The following SYDE1 variants were observed in gnomAD, a reference collection of about 807,000 sequenced individuals.
SYDE1 encodes the protein rho GTPase-activating protein SYDE1.
Under a neutral mutation model 63.3 loss-of-function variants are expected in SYDE1, and 34 were observed. That is an observed-to-expected ratio of 0.54 (90% CI 0.41 to 0.71). SYDE1 has a LOEUF of 0.71. Among genes scored for constraint, SYDE1 ranks in the 30% least tolerant of loss-of-function variants. SYDE1 has a pLI of 0.00. For synonymous variants in SYDE1, 467 were observed against 473.4 expected (o/e 0.99, Z 0.18); for missense variants, 925 against 1,042.5 (o/e 0.89, Z 1.55).
intron 7 of SYDE1, 90 bp downstream of exon 7, chr19:15,112,661 G>C (rs1466626111): frequency 1.8e-6 from 2 of 1,133,092 alleles, no homozygotes; most frequent in Non-Finnish European, 2.5e-6. Flanking sequence ...TCTTAGGCTT[G>C]AAGCTACGCC....
Position 15,114,153 on chromosome 19 carries a change from C to T in SYDE1, c.*190C>T, listed in dbSNP as rs1452205933. On this transcript the variant is annotated 3_prime_UTR_variant, in exon 8 of 8. Transcript: ENST00000342784. ...GTTTCCAGGGCCCGGTATTTGGACA[C>T]TAGTTGCCAAGTCTGGGGCCTGGGG... is the stretch of plus-strand genomic sequence containing the variant. The T allele has an allele frequency of 6.7e-6, 4 of 599,476 alleles. No individual in the cohort carries two copies. Among genetic ancestry groups the T allele is most frequent in the Non-Finnish European group, 1.2e-5 (4 of 346,320 alleles). 37.1% of individuals were successfully genotyped at this position (599,476 alleles called of 1,614,324 possible).
Position 15,114,277 on chromosome 19 carries a change from T to C in SYDE1, c.*314T>C, listed in dbSNP as rs956732599. ...TTCTCGCGCTTGCTAGGCTGGCCTC[T>C]CTTGCCTCCCCTTGGCCGGGGCAAC... On this transcript the variant is annotated 3_prime_UTR_variant, in exon 8 of 8. Transcript: ENST00000342784. The C allele has an allele frequency of 1.1e-5, 4 of 357,562 alleles. No homozygotes were observed. The highest frequency in any genetic ancestry group is 2.1e-5 in the African/African-American group (1 of 47,628). The allele number at this position is 357,562 out of a possible 1,614,324, so 22.1% of individuals were successfully genotyped here.
At chr19:15,113,365 T>C (rs1173326178) in intron 7 of SYDE1, among the ~76,000 whole-genome samples, 195 bp from the exon 8 acceptor site, 2 of 152,222 alleles carry the variant, frequency 1.3e-5, no homozygotes, top group Admixed American at 1.3e-4. Context: ...CCATCTTTGA[T>C]GCAGTCAGAG....
intron 1 of SYDE1, 108 bp downstream of exon 1, chr19:15,107,629 C>T (rs2046315683): frequency 3.1e-6 from 2 of 652,026 alleles, no homozygotes; most frequent in Non-Finnish European, 4.8e-6. Context: ...GGGAGCCCCC[C>T]GCACCCCGCT....
chr19:15,110,794 C>T lies in SYDE1; in HGVS notation c.1290+59C>T. The T allele has an allele frequency of 2.1e-6, 3 of 1,400,576 alleles. No homozygotes were observed. The South Asian group carries it at 4.1e-5, about 19-fold the overall frequency. The allele number at this position is 1,400,576 out of a possible 1,614,324, so 86.8% of individuals were successfully genotyped here. A position where few individuals can be genotyped will look rare whatever the true frequency, so the allele number is the denominator to read the frequency against. ...CCAGACCTCAGACCACTCTTCAGGA[C>T]ACCCTATGTACAGATGCCAGACCCC... On this transcript the variant is annotated intron_variant, in intron 4 of 7. Transcript: ENST00000342784. This position sits in a 1 kb window ranked among gnomAD's most constrained non-coding sequence, Gnocchi z 6.9.
chr19:15,113,828 C>A lies in SYDE1; in HGVS notation c.2073C>A (p.Gly691=). ...SDSEDEDEEV[G]EPRVTGDFED... is the part of the protein sequence containing the mutation. Reference sequence around the variant, plus strand: ...GCGAGGACGAGGACGAGGAGGTCGGCGAGCCGAGGGTCACCGGTGACTTCG... The same window carrying A: ...GCGAGGACGAGGACGAGGAGGTCGGAGAGCCGAGGGTCACCGGTGACTTCG... Residue 691 remains glycine, a synonymous_variant, in exon 8 of 8, where the codon GGC becomes GGA. Transcript: ENST00000342784. 1 of 1,613,882 alleles carries A rather than the reference C, an allele frequency of 6.2e-7. No individual in the cohort carries two copies. The highest frequency in any genetic ancestry group is 8.5e-7 in the Non-Finnish European group (1 of 1,180,030).
In SYDE1 at chr19:15,109,554, G is replaced by A. The variant is rs146930053; in HGVS notation, c.431-150G>A. 8.1e-6 allele frequency: 8 copies of A among 982,758 alleles called. No individual in the cohort carries two copies. The highest frequency in any genetic ancestry group is 5.1e-5 in the African/African-American group (3 of 58,996). 60.9% of individuals were successfully genotyped at this position (982,758 alleles called of 1,614,324 possible). On this transcript the variant is annotated intron_variant, in intron 2 of 7. Transcript: ENST00000342784. The surrounding 1 kb of genome is among the most constrained non-coding windows in gnomAD (Gnocchi z 5.0). ...AGCACCAGCCTCACATCCCCACCCC[G>A]TCAGATGCTCCCAGAGGAGCATCAG...
chr19:15,111,326 A>G lies in SYDE1; in HGVS notation c.1304A>G (p.Tyr435Cys). 6.2e-7 allele frequency: 1 copy of G among 1,614,058 alleles called. No individual in the cohort carries two copies. Among genetic ancestry groups the G allele is most frequent in the Non-Finnish European group, 8.5e-7 (1 of 1,179,984 alleles). ...ERRGLRVVGL[Y>C]RLCGSAAVKK... ...TCCCACCCCCAGGTAGTGGGACTGT[A>G]CCGTCTTTGTGGCTCAGCGGCAGTG... The change falls in exon 5 of 8, where the codon TAC becomes TGC. Residue 435 changes from tyrosine to cysteine, a missense_variant. Transcript: ENST00000342784. This position sits in a 1 kb window ranked among gnomAD's most constrained non-coding sequence, Gnocchi z 5.5.
In SYDE1 at chr19:15,110,134, G is replaced by A. The variant is rs773562005; in HGVS notation, c.861G>A (p.Arg287=). ...GGCCAGCGCCGGGGGCCACCCCCAG[G>A]GACCTCTGCTGCCTACTGCAAGTGG... is the stretch of plus-strand genomic sequence containing the variant. The part of the protein sequence containing the change: ...GLRPAPGATP[R]DLCCLLQVDG... Residue 287 remains arginine (R), a synonymous_variant, in exon 3 of 8, where the codon AGG becomes AGA. Transcript: ENST00000342784. The surrounding 1 kb of genome is among the most constrained non-coding windows in gnomAD (Gnocchi z 6.9). 1 of 1,407,386 alleles carries A rather than the reference G, an allele frequency of 7.1e-7. No individual in the cohort carries two copies. The highest frequency in any genetic ancestry group is 2.8e-5 in the East Asian group (1 of 35,274). 87.2% of individuals were successfully genotyped at this position (1,407,386 alleles called of 1,614,324 possible).
At position 15,111,055 on chromosome 19, in the gene SYDE1, G is replaced by C. The variant is rs916078275; in HGVS notation, c.1291-258G>C. 6.6e-6 allele frequency among the ~76,000 whole-genome samples: 1 copy of C among 152,162 alleles called. No individual in the cohort carries two copies. The highest frequency in any genetic ancestry group is 2.4e-5 in the African/African-American group (1 of 41,420). ...GGGGTGGGGTGTACCTAGGGTCTGG[G>C]AGAGCTTAAAACAAAACCTGGGGTA... On this transcript the variant is annotated intron_variant, in intron 4 of 7. Coordinates refer to ENST00000342784, the MANE Select transcript of SYDE1 (RefSeq NM_033025.6). This position sits in a 1 kb window ranked among gnomAD's most constrained non-coding sequence, Gnocchi z 5.5.
Position 15,111,320 on chromosome 19 carries a change from G to A in SYDE1, c.1298G>A (p.Gly433Glu). Reference protein sequence around the residue: ...QIERRGLRVVGLYRLCGSAAV... With the variant: ...QIERRGLRVVELYRLCGSAAV... ...CTCTCTTCCCACCCCCAGGTAGTGGGACTGTACCGTCTTTGTGGCTCAGCG... is the reference window on the plus strand; with the variant it reads ...CTCTCTTCCCACCCCCAGGTAGTGGAACTGTACCGTCTTTGTGGCTCAGCG... The change falls in exon 5 of 8, where the codon GGA becomes GAA. Residue 433 changes from glycine (G) to glutamate (E), a missense_variant. By Grantham distance (98) the Gly-to-Glu change is moderately conservative (BLOSUM62 -2). Coordinates refer to ENST00000342784, the MANE Select transcript of SYDE1 (RefSeq NM_033025.6). The surrounding 1 kb of genome is among the most constrained non-coding windows in gnomAD (Gnocchi z 5.5). 1 of 1,614,138 alleles carries A rather than the reference G, an allele frequency of 6.2e-7. No homozygotes were observed. Among genetic ancestry groups the A allele is most frequent in the Non-Finnish European group, 8.5e-7 (1 of 1,180,010 alleles).
Position 15,113,680 on chromosome 19 carries a change from G to C in SYDE1, c.1925G>C (p.Gly642Ala), listed in dbSNP as rs896475667. ...GTGACTCGGCCCCGCGGTCGAGGAG[G>C]CCCCGAAAGCCCCCCGAGCAACCGC... ...EVVTRPRGRG[G>A]PESPPSNRYA... The change falls in exon 8 of 8, where the codon GGC (glycine) becomes GCC (alanine). Residue 642 changes from glycine to alanine, a missense_variant. Gly to Ala is a moderately conservative substitution (Grantham distance 60, BLOSUM62 0). Coordinates refer to ENST00000342784, the MANE Select transcript of SYDE1 (RefSeq NM_033025.6). 6.2e-6 allele frequency: 10 copies of C among 1,613,284 alleles called. No individual in the cohort carries two copies. Among genetic ancestry groups the C allele is most frequent in the Non-Finnish European group, 7.6e-6 (9 of 1,179,818 alleles).
chr19:15,113,924 G>A lies in SYDE1; in HGVS notation c.2169G>A (p.Leu723=). ...LKDFDALILD[L]ERELSKQINV... is the part of the protein sequence containing the mutation. Reference sequence around the variant, plus strand: ...ACTTCGACGCCCTCATCCTGGATCTGGAGAGAGAGCTCTCCAAGCAAATCA... The same window carrying A: ...ACTTCGACGCCCTCATCCTGGATCTAGAGAGAGAGCTCTCCAAGCAAATCA... The change falls in exon 8 of 8, where the codon CTG becomes CTA. Residue 723 remains leucine (L), a synonymous_variant. Coordinates refer to ENST00000342784, the MANE Select transcript of SYDE1 (RefSeq NM_033025.6). The A allele has an allele frequency of 1.2e-6, 2 of 1,613,940 alleles. No homozygotes were observed. The highest frequency in any genetic ancestry group is 1.7e-6 in the Non-Finnish European group (2 of 1,179,988).
Position 15,108,821 on chromosome 19 carries a change from GA to G in SYDE1, c.89-234del. The G allele has an allele frequency of 2.0e-6, 1 of 504,534 alleles. No individual in the cohort carries two copies. The allele number at this position is 504,534 out of a possible 1,614,324, so 31.3% of individuals were successfully genotyped here. ...TGACTTAGAACCCTGAGGCTGCAGG[GA>G]TGGAGTCCCCTTTTGGGATGCCAGG... On this transcript the variant is annotated intron_variant, in intron 1 of 7. Transcript: ENST00000342784. This position sits in a 1 kb window ranked among gnomAD's most constrained non-coding sequence, Gnocchi z 4.3.
chr19:15,107,504 C>T lies in SYDE1; in HGVS notation c.71C>T (p.Ser24Leu), dbSNP rs1186049625. The T allele has an allele frequency of 1.3e-6, 2 of 1,545,394 alleles. No individual in the cohort carries two copies. Among genetic ancestry groups the T allele is most frequent in the East Asian group, 4.9e-5 (2 of 40,818 alleles). Reference protein sequence around the residue: ...RGREKLPRKKSDAKERGHPAQ... With the variant: ...RGREKLPRKKLDAKERGHPAQ... ...CGGGAGAAACTTCCCCGGAAAAAGT[C>T]GGACGCCAAGGAGCGCGGTAAGCGG... Residue 24 changes from serine (S) to leucine (L), a missense_variant, in exon 1 of 8, where the codon TCG becomes TTG. Ser to Leu is a moderately radical substitution (Grantham distance 145). Transcript: ENST00000342784.
chr19:15,112,914 A>AT (rs1040461970), intron 7 of SYDE1, among the ~76,000 whole-genome samples: 3 of 151,158 alleles, frequency 2.0e-5, no homozygotes, highest in Non-Finnish European at 3.0e-5. Context: ...TTTATTTTTT[A>AT]TTTTTTTTGA....
Position 15,114,058 on chromosome 19 carries a change from C to A in SYDE1, c.*95C>A. On this transcript the variant is annotated 3_prime_UTR_variant, in exon 8 of 8. Transcript: ENST00000342784. ...ACCAAGGAGAGCCAGACCTGTTGCT[C>A]AGGCCGAGCTCCTGGTTGCCAGCGA... The A allele has an allele frequency of 7.7e-7, 1 of 1,301,640 alleles. No homozygotes were observed. The highest frequency in any genetic ancestry group is 1.1e-6 in the Non-Finnish European group (1 of 942,392). The allele number at this position is 1,301,640 out of a possible 1,614,324, so 80.6% of individuals were successfully genotyped here. A position where few individuals can be genotyped will look rare whatever the true frequency, so the allele number is the denominator to read the frequency against.
chr19:15,111,369 T>C lies in SYDE1; in HGVS notation c.1347T>C (p.Asp449=), dbSNP rs1407448259. ...CGGCAGTGAAGAAAGAGCTTCGGGA[T>C]GCCTTTGAGCGGGACAGTGCAGCGG... ...GSAAVKKELR[D]AFERDSAAVC... is the part of the protein sequence containing the mutation. The change falls in exon 5 of 8, where the codon GAT becomes GAC. Residue 449 remains aspartate (D), a synonymous_variant. Coordinates refer to ENST00000342784, the MANE Select transcript of SYDE1 (RefSeq NM_033025.6). The surrounding 1 kb of genome is among the most constrained non-coding windows in gnomAD (Gnocchi z 5.5). The C allele has an allele frequency of 6.2e-7, 1 of 1,614,036 alleles. No homozygotes were observed.
chr19:15,113,662 G>A lies in SYDE1; in HGVS notation c.1907G>A (p.Arg636Gln), dbSNP rs769418525. The A allele has an allele frequency of 1.9e-6, 3 of 1,613,122 alleles. No individual in the cohort carries two copies. The highest frequency in any genetic ancestry group is 2.2e-5 in the East Asian group (1 of 44,862). ...CTGGCAGACCCCGAAGTGGTGACTC[G>A]GCCCCGCGGTCGAGGAGGCCCCGAA... The part of the protein sequence containing the change: ...LPLADPEVVT[R>Q]PRGRGGPESP... The change falls in exon 8 of 8, where the codon CGG (arginine) becomes CAG (glutamine). Residue 636 changes from arginine to glutamine, a missense_variant. Physicochemically the swap from Arg to Gln is conservative, Grantham distance 43 (BLOSUM62 1). Coordinates refer to ENST00000342784, the MANE Select transcript of SYDE1 (RefSeq NM_033025.6).
Sources: gnomAD v4.1 joint callset for allele counts (sites outside exome capture counted in the v4.1 genomes callset) on GRCh38, gnomAD v4.1.1 for gene constraint, Gnocchi (gnomAD v3.1) non-coding constraint, MANE v1.5 for transcripts, NCBI Gene and HGNC (gene_info 2026-07-23, HGNC 2026-07-21) for gene names.